MYO7B: variants seen among roughly 807,000 people sequenced by gnomAD.
MYO7B encodes the protein unconventional myosin-VIIb.
MYO7B carries 212 observed loss-of-function variants against 259.7 expected under a neutral mutation model. That is an observed-to-expected ratio of 0.82 (90% CI 0.73 to 0.91). The LOEUF is 0.91. Ranked by LOEUF, MYO7B falls within the 40% of genes least tolerant of loss-of-function variation. The pLI, the probability that MYO7B is intolerant of heterozygous loss-of-function variation, is 0.00. For synonymous variants in MYO7B, 1,197 were observed against 1,166.4 expected, an observed-to-expected ratio of 1.03 and a Z score of -0.54; for missense variants, 2,732 against 2,813.5, an observed-to-expected ratio of 0.97 and a Z score of 0.66.
intron 1 of MYO7B, among the ~76,000 whole-genome samples, chr2:127,556,504 G>A (rs1372205251): frequency 6.6e-6 from 1 of 152,138 alleles, no homozygotes; most frequent in Non-Finnish European, 1.5e-5. Flanking sequence ...ATGCTTTAAA[G>A]AGGATCTGTT....
chr2:127,551,792 CTT>C (rs1018660316), intron 1 of MYO7B, among the ~76,000 whole-genome samples: 26 of 152,148 alleles, frequency 1.7e-4, no homozygotes, highest in Non-Finnish European at 2.8e-4. Context: ...TTGTTTCTCT[CTT>C]GTTTCAGTGA....
Position 127,590,226 on chromosome 2 carries a change from G to A in MYO7B, c.1989G>A (p.Pro663=), listed in dbSNP as rs1031863508. The A allele has an allele frequency of 1.6e-5, 26 of 1,612,748 alleles. No individual in the cohort carries two copies. Among genetic ancestry groups the A allele is most frequent in the Non-Finnish European group, 2.1e-5 (25 of 1,179,744 alleles). Residue 663 remains proline (P), a synonymous_variant, in exon 16 of 48, where the codon CCG becomes CCA. Coordinates refer to ENST00000409816, the MANE Select transcript of MYO7B (RefSeq NM_001393586.1). This position sits in a 1 kb window ranked among gnomAD's most constrained non-coding sequence, Gnocchi z 4.6. The stretch of plus-strand genomic sequence containing the variant: ...TCAAACCTAATGAGTACAAGAAGCC[G>A]CTGGTAATGACAGGAGGCTGGGGCA... ...RCIKPNEYKK[P]LLFDRELCLR... is the part of the protein sequence containing the mutation.
chr2:127,581,716 G>A (rs1416664327), intron 10 of MYO7B, among the ~76,000 whole-genome samples, 175 bp from the exon 11 acceptor site: 1 of 152,138 alleles, frequency 6.6e-6, no homozygotes, highest in African/African-American at 2.4e-5. Flanking sequence ...CACCGAGCTG[G>A]AGAATCCTTC....
chr2:127,634,732 A>T, intron 42 of MYO7B, 49 bp downstream of exon 42: 1 of 1,509,604 alleles, frequency 6.6e-7, no homozygotes, highest in Non-Finnish European at 9.1e-7. Flanking sequence ...GGGTGGGTCG[A>T]GGGGGCACTG....
intron 1 of MYO7B, among the ~76,000 whole-genome samples, chr2:127,552,295 G>C (rs1269841512): frequency 6.6e-6 from 1 of 152,152 alleles, no homozygotes; most frequent in Non-Finnish European, 1.5e-5. Flanking sequence ...GTTCCAAAAA[G>C]ATTTGAGGCC....
rs1437143645 is a variant in MYO7B at position 127,626,997 on chromosome 2, T to A, written c.4238T>A (p.Val1413Asp). Reference protein sequence around the residue: ...CAKAPYTQKQVTPLAVREQVV... With the variant: ...CAKAPYTQKQDTPLAVREQVV... ...CAGGCCCCATACACTCAGAAGCAAG[T>A]CACACCACTGGCCGTGCGAGAGCAG... is the stretch of plus-strand genomic sequence containing the variant. Residue 1413 changes from valine (V) to aspartate (D), a missense_variant, in exon 32 of 48, where the codon GTC (valine) becomes GAC (aspartate). Val to Asp is a radical substitution (Grantham distance 152). Coordinates refer to ENST00000409816, the MANE Select transcript of MYO7B (RefSeq NM_001393586.1). 1.2e-6 allele frequency: 2 copies of A among 1,611,742 alleles called. No homozygotes were observed. Among genetic ancestry groups the A allele is most frequent in the East Asian group, 2.2e-5 (1 of 44,794 alleles).
Position 127,628,557 on chromosome 2 carries a change from G to A in MYO7B, c.4624+22G>A. 8.0e-7 allele frequency: 1 copy of A among 1,256,928 alleles called. No homozygotes were observed. The highest frequency in any genetic ancestry group is 1.1e-6 in the Non-Finnish European group (1 of 916,624). 77.9% of individuals were successfully genotyped at this position (1,256,928 alleles called of 1,614,324 possible). A position where few individuals can be genotyped will look rare whatever the true frequency, so the allele number is the denominator to read the frequency against. ...ACAGGTGCCAGACTGGGTGGGGTGG[G>A]GTGGGGTGGGGTGGGGTGGGGGAGG... On this transcript the variant is annotated intron_variant, in intron 34 of 47. Coordinates refer to ENST00000409816, the MANE Select transcript of MYO7B (RefSeq NM_001393586.1). This position sits in a 1 kb window ranked among gnomAD's most constrained non-coding sequence, Gnocchi z 4.8.
intron 42 of MYO7B, 116 bp downstream of exon 42, chr2:127,634,799 G>T: frequency 9.5e-7 from 1 of 1,057,318 alleles, no homozygotes; most frequent in Non-Finnish European, 1.4e-6. Context: ...GTGTGTCCCT[G>T]GGTTGTGGGA....
At chr2:127,634,065 A>T in intron 40 of MYO7B, 111 bp from the exon 41 acceptor site, 1 of 847,868 alleles carries the variant, frequency 1.2e-6, no homozygotes, top group Non-Finnish European at 1.9e-6. Flanking sequence ...GGCAGACCAC[A>T]TCCAACCCAA....
At chr2:127,612,177 AG>A (rs1680410379) in intron 24 of MYO7B, 72 bp from the exon 25 acceptor site, 1 of 521,078 alleles carries the variant, frequency 1.9e-6, no homozygotes, top group South Asian at 1.5e-5. Context: ...GCTCCACCCC[AG>A]GAGGCTGTGG....
Position 127,593,594 on chromosome 2 carries a change from C to G in MYO7B, c.2194C>G (p.Leu732Val), listed in dbSNP as rs1679653876. Reference protein sequence around the residue: ...QMTLGITDVWLRTDKDWKAGK... With the variant: ...QMTLGITDVWVRTDKDWKAGK... The stretch of plus-strand genomic sequence containing the variant: ...GACCCTGGGCATCACTGACGTGTGG[C>G]TGCGGACAGACAAAGACTGGAAAGC... The change falls in exon 18 of 48, where the codon CTG (leucine) becomes GTG (valine). Residue 732 changes from leucine (L) to valine (V), a missense_variant. Leu to Val is a conservative substitution (Grantham distance 32). Transcript: ENST00000409816. 6.2e-7 allele frequency: 1 copy of G among 1,613,764 alleles called. No individual in the cohort carries two copies. Among genetic ancestry groups the G allele is most frequent in the Non-Finnish European group, 8.5e-7 (1 of 1,179,854 alleles).
chr2:127,571,445 T>TTTTTTTTGTTTTTTTTTTG (rs1263635935), intron 6 of MYO7B, among the ~76,000 whole-genome samples: 16 of 141,544 alleles, frequency 1.1e-4, no homozygotes, highest in Middle Eastern at 3.2e-3. Context: ...CCAGTGAGTT[T>TTTTTTTTGTTTTTTTTTTG]TTTTTTTTTT....
intron 43 of MYO7B, 58 bp from the exon 44 acceptor site, chr2:127,635,664 T>C: frequency 6.6e-7 from 1 of 1,515,068 alleles, no homozygotes; most frequent in East Asian, 2.4e-5. Context: ...GGGAAAGAGG[T>C]TGGGGGCGGG....
At position 127,609,938 on chromosome 2, in the gene MYO7B, C is replaced by T. The variant is rs939980504; in HGVS notation, c.3114C>T (p.Ser1038=). Residue 1038 remains serine (S), a synonymous_variant, in exon 24 of 48, where the codon AGC becomes AGT. Coordinates refer to ENST00000409816, the MANE Select transcript of MYO7B (RefSeq NM_001393586.1). This position sits in a 1 kb window ranked among gnomAD's most constrained non-coding sequence, Gnocchi z 6.9. ...ATGCCAGGAGCAGCCAGCAGGGCAG[C>T]TCAGTGATGCGGCAGATCCATGACA... ...VLYARSSQQG[S]SVMRQIHDTL... is the part of the protein sequence containing the mutation. The T allele has an allele frequency of 5.0e-6, 8 of 1,608,380 alleles. No homozygotes were observed. The highest frequency in any genetic ancestry group is 5.9e-6 in the Non-Finnish European group (7 of 1,177,346).
intron 9 of MYO7B, among the ~76,000 whole-genome samples, chr2:127,580,464 C>A (rs1263164254): frequency 1.3e-5 from 2 of 152,246 alleles, no homozygotes; most frequent in Non-Finnish European, 2.9e-5. Flanking sequence ...CTTCTCCCTC[C>A]AAATAAGCCC....
chr2:127,602,369 C>G (rs1679993315), intron 19 of MYO7B, among the ~76,000 whole-genome samples: 1 of 152,156 alleles, frequency 6.6e-6, no homozygotes, highest in Non-Finnish European at 1.5e-5. Context: ...AAGTGTTGGC[C>G]AGGCACGGTG....
At position 127,615,561 on chromosome 2, in the gene MYO7B, A is replaced by G. The variant is rs1201110420; in HGVS notation, c.3398+2958A>G. 1.3e-5 allele frequency among the ~76,000 whole-genome samples: 2 copies of G among 152,108 alleles called. No individual in the cohort carries two copies. Among genetic ancestry groups the G allele is most frequent in the Non-Finnish European group, 2.9e-5 (2 of 68,020 alleles). On this transcript the variant is annotated intron_variant, in intron 26 of 47. Coordinates refer to ENST00000409816, the MANE Select transcript of MYO7B (RefSeq NM_001393586.1). The surrounding 1 kb of genome is among the most constrained non-coding windows in gnomAD (Gnocchi z 4.4). ...GCTGCTTAATTGATCACAGGTTCAT[A>G]GTATTACTAACAGGCTTCAGGTGTG...
chr2:127,622,309 A>G (rs1189982539), intron 28 of MYO7B, among the ~76,000 whole-genome samples: 1 of 151,964 alleles, frequency 6.6e-6, no homozygotes, highest in Non-Finnish European at 1.5e-5. Flanking sequence ...CTCCAAATCC[A>G]TATTCCTTTA....
rs1272204317 is a variant in MYO7B, at chr2:127,559,897, A to G, written c.18+157A>G. 6.6e-6 allele frequency among the ~76,000 whole-genome samples: 1 copy of G among 152,228 alleles called. No homozygotes were observed. Among genetic ancestry groups the G allele is most frequent in the African/African-American group, 2.4e-5 (1 of 41,454 alleles). ...AAACACGACAGATTCTAGCATCTAA[A>G]GAAAACAAGTTTGGCCAGCCACTGG... is the stretch of plus-strand genomic sequence containing the variant. On this transcript the variant is annotated intron_variant, in intron 2 of 47. Transcript: ENST00000409816. The surrounding 1 kb of genome is among the most constrained non-coding windows in gnomAD (Gnocchi z 4.1).
Sources: allele counts gnomAD v4.1 joint callset (sites outside exome capture counted in the v4.1 genomes callset), GRCh38; gene constraint gnomAD v4.1.1; non-coding constraint Gnocchi (gnomAD v3.1); transcripts MANE v1.5; gene names NCBI Gene and HGNC (gene_info 2026-07-23, HGNC 2026-07-21).